BICDL1: variants seen among roughly 807,000 people sequenced by gnomAD.
BICDL1 encodes the protein BICD family-like cargo adapter 1.
A neutral mutation model predicts 76.8 loss-of-function variants in BICDL1; 20 were observed. The ratio of observed to expected loss-of-function variants is 0.26; its 90% confidence interval spans 0.18 to 0.38. The LOEUF is 0.38. Among genes scored for constraint, BICDL1 ranks in the 10% least tolerant of loss-of-function variants. The pLI is 1.00. For missense variants in BICDL1, 700 were observed against 798.6 expected, an observed-to-expected ratio of 0.88 and a Z score of 1.49; for synonymous variants, 383 against 337.1, an observed-to-expected ratio of 1.14 and a Z score of -1.49.
Position 120,084,204 on chromosome 12 carries a change from G to A in BICDL1, c.1583+3187G>A, listed in dbSNP as rs146479534. 4.4e-3 allele frequency among the ~76,000 whole-genome samples: 671 copies of A among 152,080 alleles called. 5 individuals carry two copies. Among genetic ancestry groups the A allele is most frequent in the African/African-American group, 0.015 (636 of 41,492 alleles). ...TTTTTAGTAGAGACAGGGTTTCACC[G>A]TGTTAGTCAGGATGGTCTCGATCTC... On this transcript the variant is annotated intron_variant, in intron 8 of 9. Transcript: ENST00000548673.
chr12:120,086,917 A>C (rs961924314), intron 8 of BICDL1, among the ~76,000 whole-genome samples: 1 of 152,256 alleles, frequency 6.6e-6, no homozygotes, highest in African/African-American at 2.4e-5. Context: ...GAGGTCGTCC[A>C]GGCAGCCCCT....
intron 4 of BICDL1, among the ~76,000 whole-genome samples, chr12:120,070,346 A>G (rs543262722): frequency 6.6e-6 from 1 of 152,190 alleles, no homozygotes; most frequent in South Asian, 2.1e-4. Flanking sequence ...TGTGTGTTTG[A>G]TTATTTATTG....
intron 2 of BICDL1, among the ~76,000 whole-genome samples, chr12:120,001,622 AT>A (rs1235111005): frequency 6.6e-6 from 1 of 152,198 alleles, no homozygotes; most frequent in Non-Finnish European, 1.5e-5. Flanking sequence ...AATGTACAGT[AT>A]TTCTTTGATA....
intron 2 of BICDL1, among the ~76,000 whole-genome samples, chr12:120,042,425 C>T (rs751035140): frequency 7.2e-5 from 11 of 152,060 alleles, no homozygotes; most frequent in Admixed American, 4.6e-4. Context: ...TGGAGGCCCT[C>T]AAATCAGGAG....
chr12:120,057,818 C>CTTTTTTTTTTTTTTTTTTTTTTTTTTT, intron 2 of BICDL1, among the ~76,000 whole-genome samples: 1 of 78,324 alleles, frequency 1.3e-5, no homozygotes, highest in African/African-American at 6.4e-5. Context: ...GCGATTCCTG[C>CTTTTTTTTTTTTTTTTTTTTTTTTTTT]TTTTTTTTTT....
intron 2 of BICDL1, among the ~76,000 whole-genome samples, chr12:120,036,007 A>C (rs918906942): frequency 3.3e-5 from 5 of 151,964 alleles, no homozygotes; most frequent in Non-Finnish European, 7.4e-5. Context: ...TAGTTTTTAC[A>C]ATTTATGTTT....
intron 2 of BICDL1, among the ~76,000 whole-genome samples, chr12:120,031,035 A>G (rs780451756): frequency 3.9e-5 from 6 of 152,178 alleles, no homozygotes; most frequent in Non-Finnish European, 4.4e-5. Flanking sequence ...AACAATTATT[A>G]AGAACTGACC....
chr12:120,046,796 C>G (rs146720158), intron 2 of BICDL1, among the ~76,000 whole-genome samples: 1 of 152,090 alleles, frequency 6.6e-6, no homozygotes, highest in African/African-American at 2.4e-5. Flanking sequence ...TCTCCAATTG[C>G]GAGTACAGTG....
At chr12:119,992,192 T>G (rs892901904) in intron 1 of BICDL1, among the ~76,000 whole-genome samples, 1 of 152,214 alleles carries the variant, frequency 6.6e-6, no homozygotes, top group Non-Finnish European at 1.5e-5. Flanking sequence ...GTTTTAAAAA[T>G]GTTCATTAAA....
intron 4 of BICDL1, among the ~76,000 whole-genome samples, chr12:120,070,643 CTT>C (rs961093695): frequency 1.3e-4 from 19 of 151,818 alleles, no homozygotes; most frequent in African/African-American, 4.6e-4. Flanking sequence ...TTTCACTTGT[CTT>C]ATAAACGTCC....
At chr12:120,066,051 C>T (rs1953213435) in intron 4 of BICDL1, among the ~76,000 whole-genome samples, 1 of 152,220 alleles carries the variant, frequency 6.6e-6, no homozygotes, top group Non-Finnish European at 1.5e-5. Flanking sequence ...AGAATTTGCT[C>T]ATTTTTCAAG....
Position 119,990,054 on chromosome 12 carries a change from G to T in BICDL1, c.186G>T (p.Leu62=). Residue 62 remains leucine (L), a synonymous_variant, in exon 1 of 10, where the codon CTG becomes CTT. Transcript: ENST00000548673. ...TGGCGTTAGAGGAGGAGCTGGCGCT[G>T]CTGGCGGCCGGGGAGCGGCCGTCCG... ...LELALEEELA[L]LAAGERPSDP... 6.5e-7 allele frequency: 1 copy of T among 1,533,844 alleles called. No individual in the cohort carries two copies. Among genetic ancestry groups the T allele is most frequent in the South Asian group, 1.2e-5 (1 of 82,858 alleles).
At chr12:120,054,965 A>G (rs922469031) in intron 2 of BICDL1, among the ~76,000 whole-genome samples, 17 of 152,210 alleles carry the variant, frequency 1.1e-4, no homozygotes, top group African/African-American at 3.9e-4. Flanking sequence ...TTGTACACAC[A>G]CATATATGTA....
Position 120,072,498 on chromosome 12 carries a change from C to T in BICDL1, c.1090-13C>T, listed in dbSNP as rs1873184288. 1 of 1,613,202 alleles carries T rather than the reference C, an allele frequency of 6.2e-7. No homozygotes were observed. The highest frequency in any genetic ancestry group is 8.5e-7 in the Non-Finnish European group (1 of 1,179,192). On this transcript the variant is annotated splice_polypyrimidine_tract_variant and intron_variant, in intron 5 of 9. Coordinates refer to ENST00000548673, the MANE Select transcript of BICDL1 (RefSeq NM_001367886.1). The stretch of plus-strand genomic sequence containing the variant: ...CTAGAGTCTGAAATGAATAGTAATT[C>T]TCTGTGGAACAGCTGAGACTGCAGC...
chr12:120,013,114 C>T (rs887631014), intron 2 of BICDL1, among the ~76,000 whole-genome samples: 1 of 152,016 alleles, frequency 6.6e-6, no homozygotes, highest in Non-Finnish European at 1.5e-5. Flanking sequence ...AGTTCAAGAC[C>T]AGCCTGGCCA....
intron 2 of BICDL1, among the ~76,000 whole-genome samples, chr12:120,027,597 ACT>A (rs1447152939): frequency 3.9e-5 from 6 of 152,006 alleles, no homozygotes; most frequent in Non-Finnish European, 7.4e-5. Flanking sequence ...TCCTGCGCAA[ACT>A]CATACTGTTG....
Position 120,090,879 on chromosome 12 carries a change from C to T in BICDL1, c.1704+808C>T, listed in dbSNP as rs1370947642. On this transcript the variant is annotated intron_variant, in intron 9 of 9. Coordinates refer to ENST00000548673, the MANE Select transcript of BICDL1 (RefSeq NM_001367886.1). ...AGCCAGCTGGCCGCGCCCTGGCTGACCGCTGCTCTCTCTCTTCTCTCCCGG... is the reference window on the plus strand; with the variant it reads ...AGCCAGCTGGCCGCGCCCTGGCTGATCGCTGCTCTCTCTCTTCTCTCCCGG... 3 of 1,288,792 alleles carry T rather than the reference C, an allele frequency of 2.3e-6. No individual in the cohort carries two copies. In the Admixed American group the frequency reaches 6.9e-5, roughly 30 times the overall value. 79.8% of individuals were successfully genotyped at this position (1,288,792 alleles called of 1,614,324 possible). A position where few individuals can be genotyped will look rare whatever the true frequency, so the allele number is the denominator to read the frequency against.
intron 3 of BICDL1, 48 bp downstream of exon 3, chr12:120,061,874 C>A: frequency 7.1e-7 from 1 of 1,401,552 alleles, no homozygotes; most frequent in South Asian, 1.2e-5. Flanking sequence ...GCTTTTCTCA[C>A]TGGGAGACAA....
At chr12:120,022,058 AT>A in intron 2 of BICDL1, among the ~76,000 whole-genome samples, 1 of 151,500 alleles carries the variant, frequency 6.6e-6, no homozygotes, top group East Asian at 1.9e-4. Context: ...AAAGAAGAGT[AT>A]ATAACAGAGG....
Sources: allele counts gnomAD v4.1 joint callset (sites outside exome capture counted in the v4.1 genomes callset), GRCh38; gene constraint gnomAD v4.1.1; transcripts MANE v1.5; gene names NCBI Gene and HGNC (gene_info 2026-07-23, HGNC 2026-07-21).